Variants in MIPOL1 observed in about 807,000 individuals in gnomAD.
MIPOL1 encodes the protein mirror-image polydactyly 1.
Under a neutral mutation model 60.9 loss-of-function variants are expected in MIPOL1, and 57 were observed. That is an observed-to-expected ratio of 0.94 (90% CI 0.76 to 1.17). The LOEUF is 1.17. MIPOL1 is among the 50% of genes most tolerant of loss of function. The pLI is 0.00. For synonymous variants in MIPOL1, 179 were observed against 168.8 expected (o/e 1.06, Z -0.47); for missense variants, 551 against 511.6 (o/e 1.08, Z -0.74).
chr14:37,221,756 A>G (rs1215644346), intron 1 of MIPOL1, among the ~76,000 whole-genome samples: 1 of 152,188 alleles, frequency 6.6e-6, no homozygotes, highest in Non-Finnish European at 1.5e-5. Flanking sequence ...CCCTCCTCCA[A>G]CACTGAGGAT....
At chr14:37,292,616 G>A (rs2085202573) in intron 7 of MIPOL1, among the ~76,000 whole-genome samples, 1 of 151,592 alleles carries the variant, frequency 6.6e-6, no homozygotes. Context: ...GAGTTGCTGG[G>A]ATTATAGGCA....
intron 1 of MIPOL1, among the ~76,000 whole-genome samples, chr14:37,242,340 A>G (rs897994191): frequency 8.5e-5 from 13 of 152,244 alleles, no homozygotes; most frequent in African/African-American, 2.4e-4. Context: ...TAATGTGCCT[A>G]TTCAAGCATG....
At chr14:37,310,418 A>T (rs2087218549) in intron 9 of MIPOL1, among the ~76,000 whole-genome samples, 1 of 152,100 alleles carries the variant, frequency 6.6e-6, no homozygotes, top group African/African-American at 2.4e-5. Flanking sequence ...CCTCCCAGTT[A>T]AAAAGATAAC....
chr14:37,224,729 C>A (rs918945930), intron 1 of MIPOL1, among the ~76,000 whole-genome samples: 1 of 152,140 alleles, frequency 6.6e-6, no homozygotes, highest in Non-Finnish European at 1.5e-5. Context: ...TCCCAAATCT[C>A]ATGTTCTCAC....
At chr14:37,541,158 A>G (rs1378600856) in intron 12 of MIPOL1, among the ~76,000 whole-genome samples, 2 of 152,200 alleles carry the variant, frequency 1.3e-5, no homozygotes. Context: ...GAACTTTTCT[A>G]CATCTGAAAT....
intron 1 of MIPOL1, among the ~76,000 whole-genome samples, chr14:37,221,713 C>G (rs1769991875): frequency 6.6e-6 from 1 of 152,174 alleles, no homozygotes; most frequent in South Asian, 2.1e-4. Context: ...AATGGGAAGT[C>G]TGCTTCCATG....
intron 11 of MIPOL1, among the ~76,000 whole-genome samples, chr14:37,424,360 G>C (rs993859872): frequency 1.3e-5 from 2 of 152,128 alleles, no homozygotes; most frequent in Non-Finnish European, 2.9e-5. Context: ...TGGACACAGA[G>C]ACAGACATGC....
intron 11 of MIPOL1, among the ~76,000 whole-genome samples, chr14:37,473,002 G>A (rs1157316285): frequency 6.6e-6 from 1 of 152,106 alleles, no homozygotes; most frequent in African/African-American, 2.4e-5. Context: ...GCTGTAGCTT[G>A]GCTGTTTGGC....
intron 12 of MIPOL1, chr14:37,504,242 G>A (rs550967219): frequency 2.6e-5 from 4 of 152,082 alleles, no homozygotes; most frequent in African/African-American, 4.8e-5. Context: ...AACTCAGCTC[G>A]GCACCAAGCA....
chr14:37,357,507 G>A (rs1595370492), intron 9 of MIPOL1, among the ~76,000 whole-genome samples: 1 of 152,262 alleles, frequency 6.6e-6, no homozygotes, highest in East Asian at 1.9e-4. Context: ...TTGATGATCA[G>A]TGATATTGAA....
intron 9 of MIPOL1, among the ~76,000 whole-genome samples, chr14:37,355,746 T>C (rs1311160710): frequency 1.3e-5 from 2 of 149,468 alleles, no homozygotes; most frequent in African/African-American, 2.5e-5. Flanking sequence ...GAGCCTTGGT[T>C]TTCAGCTCCA....
chr14:37,437,113 T>C (rs1272824033), intron 11 of MIPOL1, among the ~76,000 whole-genome samples: 1 of 152,166 alleles, frequency 6.6e-6, no homozygotes, highest in Non-Finnish European at 1.5e-5. Context: ...TGTTGTACAG[T>C]ATGTCTTGTT....
chr14:37,510,492 C>T (rs2095319853), intron 12 of MIPOL1, among the ~76,000 whole-genome samples: 1 of 152,178 alleles, frequency 6.6e-6, no homozygotes, highest in South Asian at 2.1e-4. Context: ...CCGCCTCAGC[C>T]TCCCAAAGTA....
At chr14:37,508,922 C>T (rs2153621275) in intron 12 of MIPOL1, among the ~76,000 whole-genome samples, 1 of 152,072 alleles carries the variant, frequency 6.6e-6, no homozygotes, top group South Asian at 2.1e-4. Flanking sequence ...TAGTACTGTT[C>T]ATCATTCCTT....
At chr14:37,397,185 C>G (rs2093387733) in intron 10 of MIPOL1, among the ~76,000 whole-genome samples, 1 of 152,128 alleles carries the variant, frequency 6.6e-6, no homozygotes, top group Non-Finnish European at 1.5e-5. Flanking sequence ...ATGTAGTACT[C>G]TCCCCTTTTC....
chr14:37,359,865 G>C (rs76892842), intron 9 of MIPOL1, among the ~76,000 whole-genome samples: 1 of 152,164 alleles, frequency 6.6e-6, no homozygotes, highest in South Asian at 2.1e-4. Flanking sequence ...TGTTAAATAG[G>C]AGTGGTGAGA....
At chr14:37,258,731 T>C (rs1389321522) in intron 3 of MIPOL1, among the ~76,000 whole-genome samples, 1 of 152,108 alleles carries the variant, frequency 6.6e-6, no homozygotes, top group Non-Finnish European at 1.5e-5. Context: ...AAACATATGA[T>C]AGAATTTCAC....
chr14:37,311,634 T>A (rs1245309405), intron 9 of MIPOL1, among the ~76,000 whole-genome samples: 9 of 152,192 alleles, frequency 5.9e-5, no homozygotes. Context: ...TTAACTTTGA[T>A]TTTTTAAAAA....
Position 37,369,584 on chromosome 14 carries a change from G to T in MIPOL1, c.896G>T (p.Arg299Ile). The T allele has an allele frequency of 1.2e-6, 2 of 1,613,262 alleles. No homozygotes were observed. The highest frequency in any genetic ancestry group is 2.2e-5 in the South Asian group (2 of 91,064). ...EQNQTSANNM[R>I]HLTAENNQER... ...AACCAGACTTCAGCAAACAACATGA[G>T]ACATCTGACTGCTGAAAACAATCAA... Residue 299 changes from arginine to isoleucine, a missense_variant, in exon 10 of 13, where the codon AGA becomes ATA. By Grantham distance (97) the Arg-to-Ile change is moderately conservative. Transcript: ENST00000684589.
Sources: allele counts gnomAD v4.1 joint callset (sites outside exome capture counted in the v4.1 genomes callset), GRCh38; gene constraint gnomAD v4.1.1; transcripts MANE v1.5; gene names NCBI Gene and HGNC (gene_info 2026-07-23, HGNC 2026-07-21).